Variants in EPB41L5 observed in about 807,000 individuals in gnomAD.
EPB41L5 encodes the protein band 4.1-like protein 5.
A neutral mutation model predicts 106.6 loss-of-function variants in EPB41L5; 55 were observed. The observed-to-expected ratio is 0.52, with a 90% CI of 0.42 to 0.65. The LOEUF (loss-of-function observed/expected upper bound fraction) is 0.65. Ranked by LOEUF, EPB41L5 falls within the 30% of genes least tolerant of loss-of-function variation. EPB41L5 has a pLI of 0.00. For missense variants in EPB41L5, 871 were observed against 882.1 expected, an observed-to-expected ratio of 0.99 and a Z score of 0.16; for synonymous variants, 297 against 306.7, an observed-to-expected ratio of 0.97 and a Z score of 0.33.
intron 3 of EPB41L5, among the ~76,000 whole-genome samples, chr2:120,067,497 A>T (rs1230888022): frequency 2.0e-5 from 3 of 152,180 alleles, no homozygotes; most frequent in Non-Finnish European, 2.9e-5. Context: ...CACTGTTAGG[A>T]CTTGGTGGCA....
intron 24 of EPB41L5, among the ~76,000 whole-genome samples, chr2:120,173,656 G>T (rs1458894786): frequency 6.6e-6 from 1 of 152,144 alleles, no homozygotes; most frequent in Non-Finnish European, 1.5e-5. Context: ...TATGTCCTTT[G>T]TATTATGTAC....
chr2:120,093,227 G>T (rs1326045207), intron 13 of EPB41L5, 22 bp from the exon 14 acceptor site: 1 of 1,609,266 alleles, frequency 6.2e-7, no homozygotes, highest in Non-Finnish European at 8.5e-7. Context: ...CTAATGAGGT[G>T]TTATCTTTTT....
At chr2:120,057,367 A>G (rs1040087000) in intron 3 of EPB41L5, among the ~76,000 whole-genome samples, 4 of 152,234 alleles carry the variant, frequency 2.6e-5, no homozygotes, top group Admixed American at 6.5e-5. Context: ...ATGTAATTTA[A>G]TATCCTTTTA....
At chr2:120,015,557 C>T (rs970272488) in intron 1 of EPB41L5, among the ~76,000 whole-genome samples, 7 of 152,170 alleles carry the variant, frequency 4.6e-5, no homozygotes, top group African/African-American at 1.2e-4. Context: ...ATCCCATCTC[C>T]GTGTAGGATG....
chr2:120,080,121 T>A (rs937397980), intron 10 of EPB41L5, among the ~76,000 whole-genome samples: 3 of 151,632 alleles, frequency 2.0e-5, no homozygotes, highest in Admixed American at 6.6e-5. Context: ...TTTTTTTTTT[T>A]ATTATACTTT....
rs201934851 is a variant in EPB41L5, at chr2:120,127,771, T to C, written c.1421T>C (p.Met474Thr). ...GATGTAATTGGGGCATCTGACACTA[T>C]GGAAACATCCCAAGCACTGAATGAC... Reference protein sequence around the residue: ...IGDVIGASDTMETSQALNDVN... With the variant: ...IGDVIGASDTTETSQALNDVN... The change falls in exon 17 of 25, where the codon ATG (methionine) becomes ACG (threonine). Residue 474 changes from methionine (M) to threonine (T), a missense_variant. Transcript: ENST00000263713. 1.2e-5 allele frequency: 19 copies of C among 1,613,852 alleles called. No individual in the cohort carries two copies. Among genetic ancestry groups the C allele is most frequent in the South Asian group, 5.5e-5 (5 of 91,036 alleles).
At chr2:120,142,615 A>G (rs1238739646) in intron 18 of EPB41L5, among the ~76,000 whole-genome samples, 3 of 152,168 alleles carry the variant, frequency 2.0e-5, no homozygotes, top group Non-Finnish European at 4.4e-5. Context: ...AAAGGACCAG[A>G]TAGTAAATAT....
At chr2:120,119,657 A>G (rs1431849104) in intron 16 of EPB41L5, among the ~76,000 whole-genome samples, 1 of 152,030 alleles carries the variant, frequency 6.6e-6, no homozygotes, top group Middle Eastern at 3.4e-3. Flanking sequence ...CATGCCAAAG[A>G]TTTATTTAGT....
intron 16 of EPB41L5, among the ~76,000 whole-genome samples, chr2:120,122,625 G>A: frequency 6.6e-6 from 1 of 152,144 alleles, no homozygotes; most frequent in East Asian, 1.9e-4. Context: ...CTCCAGCTTT[G>A]TTCTTTTTGC....
chr2:120,101,247 G>A (rs1684126473), intron 16 of EPB41L5, among the ~76,000 whole-genome samples: 1 of 152,148 alleles, frequency 6.6e-6, no homozygotes, highest in Non-Finnish European at 1.5e-5. Flanking sequence ...GAAGGGTAAA[G>A]TCAGAAGCAA....
chr2:120,145,001 T>C (rs1384032647), intron 19 of EPB41L5, among the ~76,000 whole-genome samples: 1 of 152,204 alleles, frequency 6.6e-6, no homozygotes, highest in Admixed American at 6.5e-5. Context: ...TTCACTTTGA[T>C]AAAGAGCATT....
intron 24 of EPB41L5, among the ~76,000 whole-genome samples, chr2:120,172,130 T>TGA (rs1461032274): frequency 1.3e-5 from 2 of 151,700 alleles, no homozygotes; most frequent in East Asian, 3.9e-4. Context: ...AATAGAAAGA[T>TGA]GAAAACTGGG....
chr2:120,161,001 T>G, intron 21 of EPB41L5, 27 bp downstream of exon 21: 2 of 1,580,426 alleles, frequency 1.3e-6, no homozygotes, highest in South Asian at 1.1e-5. Flanking sequence ...TTCTTAAAAT[T>G]TTTGCCAAAG....
chr2:120,076,747 A>G (rs776386069), intron 7 of EPB41L5, among the ~76,000 whole-genome samples: 10 of 152,136 alleles, frequency 6.6e-5, no homozygotes, highest in Non-Finnish European at 1.2e-4. Flanking sequence ...GTGTGAATAC[A>G]TTAAGAGAAA....
chr2:120,165,016 T>C, intron 22 of EPB41L5, 106 bp downstream of exon 22: 1 of 816,482 alleles, frequency 1.2e-6, no homozygotes, highest in Non-Finnish European at 1.9e-6. Context: ...AAACTTTTCA[T>C]TTGATAAGAG....
intron 16 of EPB41L5, among the ~76,000 whole-genome samples, chr2:120,113,872 T>C (rs1004993472): frequency 6.6e-6 from 1 of 152,206 alleles, no homozygotes; most frequent in Non-Finnish European, 1.5e-5. Context: ...AATATTCCCT[T>C]GTATGATGCC....
chr2:120,131,004 C>T (rs1685663957), intron 17 of EPB41L5, among the ~76,000 whole-genome samples: 1 of 152,124 alleles, frequency 6.6e-6, no homozygotes, highest in South Asian at 2.1e-4. Context: ...TAAAAGTCTT[C>T]ATTTAAAGAT....
In EPB41L5 at chr2:120,076,968, T is replaced by C. The variant is rs780706783; in HGVS notation, c.506-3T>C. On this transcript the variant is annotated splice_region_variant and splice_polypyrimidine_tract_variant and intron_variant, in intron 7 of 24. Transcript: ENST00000263713. ...ATATAACTTTTGAAACTTATGTTTA[T>C]AGCTGAACTTGGTGACTATGATCTT... The C allele has an allele frequency of 6.3e-7, 1 of 1,590,320 alleles. No homozygotes were observed. Among genetic ancestry groups the C allele is most frequent in the Non-Finnish European group, 8.6e-7 (1 of 1,169,560 alleles).
At chr2:120,168,511 A>T (rs1182957131) in intron 24 of EPB41L5, among the ~76,000 whole-genome samples, 1 of 152,202 alleles carries the variant, frequency 6.6e-6, no homozygotes, top group African/African-American at 2.4e-5. Flanking sequence ...TTTGTTCAGC[A>T]TCTGGTTCTT....
Sources: allele counts gnomAD v4.1 joint callset (sites outside exome capture counted in the v4.1 genomes callset), GRCh38; gene constraint gnomAD v4.1.1; transcripts MANE v1.5; gene names NCBI Gene and HGNC (gene_info 2026-07-23, HGNC 2026-07-21).